The following PALD1 variants were observed in gnomAD, a reference collection of about 807,000 sequenced individuals.
PALD1 encodes the protein phosphatase domain containing paladin 1, also known as paladin.
A neutral mutation model predicts 96.0 loss-of-function variants in PALD1; 57 were observed. That is an observed-to-expected ratio of 0.59 (90% CI 0.48 to 0.74). The LOEUF (loss-of-function observed/expected upper bound fraction) is 0.74, where lower values mean the gene tolerates loss of function less well. Among genes scored for constraint, PALD1 ranks in the 30% least tolerant of loss-of-function variants. PALD1 has a pLI of 0.00. For missense variants in PALD1, 1,063 were observed against 1,143.7 expected, an observed-to-expected ratio of 0.93 and a Z score of 1.02; for synonymous variants, 464 against 473.6, an observed-to-expected ratio of 0.98 and a Z score of 0.26.
upstream of PALD1, among the ~76,000 whole-genome samples, chr10:70,474,952 C>T (rs1845804615): frequency 6.6e-6 from 1 of 152,116 alleles, no homozygotes; most frequent in African/African-American, 2.4e-5. Context: ...GGAACCTGAA[C>T]TCAGCCTCCA....
chr10:70,484,374 G>T (rs1395547629), intron 1 of PALD1, among the ~76,000 whole-genome samples: 2 of 152,148 alleles, frequency 1.3e-5, no homozygotes, highest in African/African-American at 4.8e-5. Context: ...TCTAATATTT[G>T]ATACTACATG....
chr10:70,507,442 AG>A (rs1459759703), intron 1 of PALD1, among the ~76,000 whole-genome samples: 2 of 152,154 alleles, frequency 1.3e-5, no homozygotes, highest in African/African-American at 4.8e-5. Context: ...AAAAAATTTT[AG>A]AGACAGGGTC....
intron 18 of PALD1, among the ~76,000 whole-genome samples, chr10:70,555,006 C>T (rs1417612416): frequency 1.5e-5 from 1 of 64,746 alleles, no homozygotes; most frequent in African/African-American, 6.7e-5. Context: ...GAGCCTTGCT[C>T]CGTAGCCCAG....
rs1847025207 is a variant in PALD1 at position 70,532,905 on chromosome 10, GC to G, written c.795-87del. On this transcript the variant is annotated intron_variant, in intron 6 of 19. Coordinates refer to ENST00000263563, the MANE Select transcript of PALD1 (RefSeq NM_014431.3). ...CCACACCCATGTCTCCCACAGTGGG[GC>G]CCATTTCCAAACAGTGCCCGGGAAT... The G allele has an allele frequency of 4.0e-6, 6 of 1,504,934 alleles. No homozygotes were observed. The East Asian group carries it at 1.4e-4, about 35-fold the overall frequency. 93.2% of individuals were successfully genotyped at this position (1,504,934 alleles called of 1,614,324 possible).
intron 18 of PALD1, among the ~76,000 whole-genome samples, chr10:70,549,899 T>C (rs1386281771): frequency 1.3e-5 from 2 of 152,174 alleles, no homozygotes; most frequent in Non-Finnish European, 2.9e-5. Flanking sequence ...GCTAGGATTC[T>C]TACCCGCTCC....
chr10:70,464,124 C>A, the PALD1 span, among the ~76,000 whole-genome samples: 1 of 152,034 alleles, frequency 6.6e-6, no homozygotes, highest in Non-Finnish European at 1.5e-5. Flanking sequence ...GCTCTTCTGG[C>A]CTTGATGATT....
the PALD1 span, among the ~76,000 whole-genome samples, chr10:70,472,433 G>A: frequency 2.6e-5 from 4 of 151,958 alleles, no homozygotes; most frequent in Non-Finnish European, 5.9e-5. Context: ...GCTAATTTTT[G>A]TATTTTTAGT....
intron 9 of PALD1, 73 bp downstream of exon 9, chr10:70,534,597 T>G: frequency 8.1e-7 from 1 of 1,231,332 alleles, no homozygotes; most frequent in African/African-American, 1.5e-5. Flanking sequence ...TGGTCGGGGC[T>G]CTCTTCCTTC....
intron 1 of PALD1, among the ~76,000 whole-genome samples, chr10:70,505,982 C>T (rs1394132140): frequency 6.6e-6 from 1 of 151,654 alleles, no homozygotes. Context: ...GATCGTGCCA[C>T]TGCACTCCAG....
chr10:70,474,454 G>A (rs1464578952), upstream of PALD1, among the ~76,000 whole-genome samples: 4 of 152,132 alleles, frequency 2.6e-5, no homozygotes, highest in East Asian at 1.9e-4. Flanking sequence ...CTAACTACTC[G>A]GGAGCCTGAG....
At chr10:70,513,305 G>C (rs1846552872) in intron 1 of PALD1, among the ~76,000 whole-genome samples, 1 of 152,106 alleles carries the variant, frequency 6.6e-6, no homozygotes, top group African/African-American at 2.4e-5. Context: ...GACCAGCCTG[G>C]CCAACATGGT....
At chr10:70,501,547 C>T (rs1846293768) in intron 1 of PALD1, among the ~76,000 whole-genome samples, 1 of 152,216 alleles carries the variant, frequency 6.6e-6, no homozygotes, top group South Asian at 2.1e-4. Context: ...CCAGCAGTGG[C>T]ACCTCGGGAG....
intron 4 of PALD1, 68 bp from the exon 5 acceptor site, chr10:70,531,221 TG>T: frequency 1.5e-6 from 2 of 1,326,330 alleles, no homozygotes; most frequent in Non-Finnish European, 2.1e-6. Flanking sequence ...GGCCCTGAGG[TG>T]GGGCAGTGGT....
intron 1 of PALD1, among the ~76,000 whole-genome samples, chr10:70,500,855 G>A (rs1846279980): frequency 6.6e-6 from 1 of 152,152 alleles, no homozygotes; most frequent in Non-Finnish European, 1.5e-5. Context: ...TGCCAGGGGC[G>A]GAAGTGAAGA....
At chr10:70,530,349 C>T (rs1399725701) in intron 4 of PALD1, among the ~76,000 whole-genome samples, 12 of 152,164 alleles carry the variant, frequency 7.9e-5, no homozygotes, top group South Asian at 2.1e-4. Flanking sequence ...GGGGCGTGAC[C>T]GGGTGACAGG....
rs181960766 is a variant in PALD1 at position 70,522,501 on chromosome 10, C to T, written c.-29-3422C>T. Among the ~76,000 whole-genome samples, 19 of 152,214 alleles carry T rather than the reference C, an allele frequency of 1.2e-4. No individual in the cohort carries two copies. The East Asian group carries it at 3.5e-3, about 28-fold the overall frequency. ...TGACTGTTGTTTAGAAGAGTGGTAT[C>T]GTAAGCGACATTTCCAGATCCCACT... On this transcript the variant is annotated intron_variant, in intron 1 of 19. Coordinates refer to ENST00000263563, the MANE Select transcript of PALD1 (RefSeq NM_014431.3).
chr10:70,538,284 C>A lies in PALD1; in HGVS notation c.1328C>A (p.Pro443Gln), dbSNP rs368916968. 3.1e-6 allele frequency: 5 copies of A among 1,601,924 alleles called. No homozygotes were observed. The highest frequency in any genetic ancestry group is 4.2e-6 in the Non-Finnish European group (5 of 1,179,932). Reference protein sequence around the residue: ...LFNYYLHEQYPLAFALSFSRW... With the variant: ...LFNYYLHEQYQLAFALSFSRW... ...TCTCTCTGCCTCGGGCTGCAGTACC[C>A]GCTGGCCTTTGCCCTCAGTTTCAGC... Residue 443 changes from proline (P) to glutamine (Q), a missense_variant, in exon 12 of 20, where the codon CCG becomes CAG. Physicochemically the swap from Pro to Gln is moderately conservative, Grantham distance 76. Transcript: ENST00000263563.
chr10:70,560,294 A>T (rs530696293), intron 18 of PALD1, among the ~76,000 whole-genome samples: 269 of 152,062 alleles, frequency 1.8e-3, no homozygotes, highest in African/African-American at 6.2e-3. Context: ...GTGAGCAGGG[A>T]GTGGTGGGCT....
rs754364516 is a variant in PALD1, at chr10:70,541,543, G to A, written c.2121+9G>A. The A allele has an allele frequency of 2.5e-6, 4 of 1,607,206 alleles. No individual in the cohort carries two copies. The highest frequency in any genetic ancestry group is 3.4e-6 in the Non-Finnish European group (4 of 1,175,134). ...CTAAGGGTGAATTTCAGGTGAGCAT[G>A]CCCTGCGGGGTCCCTGAGGCACCTT... is the stretch of plus-strand genomic sequence containing the variant. On this transcript the variant is annotated intron_variant, in intron 17 of 19. Coordinates refer to ENST00000263563, the MANE Select transcript of PALD1 (RefSeq NM_014431.3).
Sources: gnomAD v4.1 joint callset for allele counts (sites outside exome capture counted in the v4.1 genomes callset) on GRCh38, gnomAD v4.1.1 for gene constraint, MANE v1.5 for transcripts, NCBI Gene and HGNC (gene_info 2026-07-23, HGNC 2026-07-21) for gene names.